The following CTRC variants were observed in gnomAD, a reference collection of about 807,000 sequenced individuals.
The protein encoded by CTRC is chymotrypsin C.
A neutral mutation model predicts 35.7 loss-of-function variants in CTRC; 32 were observed. That is an observed-to-expected ratio of 0.90 (90% CI 0.68 to 1.20). The LOEUF is 1.20. Among genes scored for constraint, CTRC ranks in the 50% most tolerant of loss-of-function variants. The pLI, the probability that CTRC is intolerant of heterozygous loss-of-function variation, is 0.00. For missense variants in CTRC, 324 were observed against 361.5 expected (o/e 0.90, Z 0.84); for synonymous variants, 119 against 149.5 (o/e 0.80, Z 1.49).
At chr1:15,443,290 G>A (rs1708163261) in intron 4 of CTRC, 129 bp from the exon 5 acceptor site, 6 of 1,022,122 alleles carry the variant, frequency 5.9e-6, no homozygotes, top group Non-Finnish European at 9.2e-6. Context: ...GAAGCTGGCA[G>A]TCAGGATGTT....
In CTRC at chr1:15,446,595, T is replaced by C; in HGVS notation, c.*6T>C. ...TCCAGAAAATGCAGCTGTGATTTGT[T>C]GCTGGGAGCGGCGGCAGCGAGTCCC... On this transcript the variant is annotated 3_prime_UTR_variant, in exon 8 of 8. Transcript: ENST00000375949. 1 of 1,614,238 alleles carries C rather than the reference T, an allele frequency of 6.2e-7. No homozygotes were observed. The highest frequency in any genetic ancestry group is 8.5e-7 in the Non-Finnish European group (1 of 1,180,030).
Position 15,440,507 on chromosome 1 carries a change from C to T in CTRC, c.147C>T (p.Tyr49=), listed in dbSNP as rs576621137. ...CCCTCCTGCAGATCTCCCTCCAGTA[C>T]CTCAAGAACGACACGTGGAGGCATA... is the stretch of plus-strand genomic sequence containing the variant. ...HSWPWQISLQ[Y]LKNDTWRHTC... The change falls in exon 3 of 8, where the codon TAC becomes TAT. Residue 49 remains tyrosine (Y), a synonymous_variant. Coordinates refer to ENST00000375949, the MANE Select transcript of CTRC (RefSeq NM_007272.3). 72 of 1,614,202 alleles carry T rather than the reference C, an allele frequency of 4.5e-5. No individual in the cohort carries two copies. The South Asian group carries it at 7.8e-4, about 17-fold the overall frequency.
At chr1:15,442,654 C>T (rs958966166) in intron 4 of CTRC, 82 bp downstream of exon 4, 121 of 1,581,178 alleles carry the variant, frequency 7.7e-5, no homozygotes, top group Non-Finnish European at 9.9e-5. Flanking sequence ...CAGAGCCTGT[C>T]GCACCCCATA....
At chr1:15,443,591 C>G (rs1708168935) in intron 5 of CTRC, 36 bp downstream of exon 5, 1 of 1,613,876 alleles carries the variant, frequency 6.2e-7, no homozygotes, top group East Asian at 2.2e-5. Context: ...GAGAGCCTTC[C>G]TGAAGGAAGC....
At position 15,445,556 on chromosome 1, in the gene CTRC, G is replaced by A. The variant is rs186735838; in HGVS notation, c.640-41G>A. 1.4e-5 allele frequency: 23 copies of A among 1,605,116 alleles called. No individual in the cohort carries two copies. In the African/African-American group the frequency reaches 2.2e-4, roughly 15 times the overall value. ...GTCCTGCTTCCCAAGACTTCCTCTG[G>A]GGGGGGGCCTGGTGGCTTATGCCCT... On this transcript the variant is annotated intron_variant, in intron 6 of 7. Coordinates refer to ENST00000375949, the MANE Select transcript of CTRC (RefSeq NM_007272.3).
rs1708201978 is a variant in CTRC at position 15,445,516 on chromosome 1, C to T, written c.640-81C>T. The T allele has an allele frequency of 2.7e-6, 4 of 1,487,196 alleles. No individual in the cohort carries two copies. In the South Asian group the frequency reaches 3.4e-5, roughly 13 times the overall value. The allele number at this position is 1,487,196 out of a possible 1,614,324, so 92.1% of individuals were successfully genotyped here. On this transcript the variant is annotated intron_variant, in intron 6 of 7. Coordinates refer to ENST00000375949, the MANE Select transcript of CTRC (RefSeq NM_007272.3). ...TAAGGCTGAGAAGCCAACCCACATC[C>T]CCCACCCCAACCCAGTCCTGCTTCC...
In CTRC at chr1:15,443,421, A is replaced by G; in HGVS notation, c.359A>G (p.Asn120Ser). The G allele has an allele frequency of 6.2e-7, 1 of 1,614,214 alleles. No homozygotes were observed. Among genetic ancestry groups the G allele is most frequent in the Non-Finnish European group, 8.5e-7 (1 of 1,180,046 alleles). ...HKRWNALLLR[N>S]DIALIKLAEH... ...ACCCTCTCCACTTTGGATTCCAGCA[A>G]TGATATTGCCCTCATCAAGCTTGCA... is the stretch of plus-strand genomic sequence containing the variant. Residue 120 changes from asparagine to serine, a missense_variant and splice_region_variant, in exon 5 of 8, where the codon AAT becomes AGT. Coordinates refer to ENST00000375949, the MANE Select transcript of CTRC (RefSeq NM_007272.3).
chr1:15,447,099 C>T lies in CTRC; in HGVS notation c.*510C>T, dbSNP rs1435772343. On this transcript the variant is annotated 3_prime_UTR_variant, in exon 8 of 8. Coordinates refer to ENST00000375949, the MANE Select transcript of CTRC (RefSeq NM_007272.3). ...AGAGACCAGGCCACAGGAGGATGGC[C>T]AAAGCTCAGGGACAACCACTCCTGG... 1 of 256,500 alleles carries T rather than the reference C, an allele frequency of 3.9e-6. No individual in the cohort carries two copies. The highest frequency in any genetic ancestry group is 7.7e-6 in the Non-Finnish European group (1 of 130,448). 15.9% of individuals were successfully genotyped at this position (256,500 alleles called of 1,614,324 possible). A position where few individuals can be genotyped will look rare whatever the true frequency, so the allele number is the denominator to read the frequency against.
rs200412314 is a variant in CTRC at position 15,445,693 on chromosome 1, C to G, written c.736C>G (p.Arg246Gly). 3 of 1,613,910 alleles carry G rather than the reference C, an allele frequency of 1.9e-6. No homozygotes were observed. Among genetic ancestry groups the G allele is most frequent in the Non-Finnish European group, 2.5e-6 (3 of 1,179,808 alleles). The change falls in exon 7 of 8, where the codon CGC (arginine) becomes GGC (glycine). Residue 246 changes from arginine to glycine, a missense_variant. By Grantham distance (125) the Arg-to-Gly change is moderately radical (BLOSUM62 -2). Coordinates refer to ENST00000375949, the MANE Select transcript of CTRC (RefSeq NM_007272.3). ...TGGCTCCCGGCGGGGCTGCAACACC[C>G]GCAAGAAGCCGGTAGTCTACACCCG... ...SFGSRRGCNTRKKPVVYTRVS... is the reference protein window; with the variant it reads ...SFGSRRGCNTGKKPVVYTRVS...
rs577782558 is a variant in CTRC, at chr1:15,444,629, C to T, written c.517C>T (p.Leu173=). The T allele has an allele frequency of 6.2e-7, 1 of 1,614,216 alleles. No homozygotes were observed. The highest frequency in any genetic ancestry group is 2.2e-5 in the East Asian group (1 of 44,880). ...AGCCAACGGCCCCATTGCTGATAAG[C>T]TGCAGCAGGGCCTGCAGCCCGTGGT... is the stretch of plus-strand genomic sequence containing the variant. ...LWTNGPIADK[L]QQGLQPVVDH... Residue 173 remains leucine (L), a synonymous_variant, in exon 6 of 8, where the codon CTG becomes TTG. Transcript: ENST00000375949.
intron 3 of CTRC, 117 bp from the exon 4 acceptor site, chr1:15,442,330 A>G: frequency 7.5e-7 from 1 of 1,331,322 alleles, no homozygotes; most frequent in Non-Finnish European, 1.0e-6. Context: ...GGGAAAGGAC[A>G]ATGGGAACAC....
In CTRC at chr1:15,446,792, C is replaced by T. The variant is rs1368680967; in HGVS notation, c.*203C>T. On this transcript the variant is annotated 3_prime_UTR_variant, in exon 8 of 8. Transcript: ENST00000375949. ...ATTAGACAGGTGGGGAAACAGAGGC[C>T]GGGAGAGAGGGCCAAGGAAGGAGCC... 2.3e-5 allele frequency: 16 copies of T among 690,650 alleles called. 1 individual carries two copies. Among genetic ancestry groups the T allele is most frequent in the South Asian group, 6.3e-5 (4 of 63,756 alleles). The allele number at this position is 690,650 out of a possible 1,614,324, so 42.8% of individuals were successfully genotyped here. A position where few individuals can be genotyped will look rare whatever the true frequency, so the allele number is the denominator to read the frequency against.
At chr1:15,442,737 A>AG (rs1454515787) in intron 4 of CTRC, among the ~76,000 whole-genome samples, 165 bp downstream of exon 4, 1 of 152,174 alleles carries the variant, frequency 6.6e-6, no homozygotes, top group African/African-American at 2.4e-5. Context: ...TGCTAAGTGG[A>AG]GACAAATACC....
chr1:15,440,454 C>A (rs1398905660), intron 2 of CTRC, 39 bp from the exon 3 acceptor site: 4 of 1,612,744 alleles, frequency 2.5e-6, no homozygotes, highest in Non-Finnish European at 3.4e-6. Context: ...GTCCCAGGGA[C>A]CTGCAGGCTG....
intron 3 of CTRC, among the ~76,000 whole-genome samples, chr1:15,441,511 A>G (rs777820781): frequency 7.9e-5 from 12 of 152,158 alleles, no homozygotes; most frequent in Non-Finnish European, 1.6e-4. Flanking sequence ...TAGAGAGGAA[A>G]TAAGTGCAGG....
chr1:15,445,139 C>T (rs960229286), intron 6 of CTRC, among the ~76,000 whole-genome samples: 2 of 152,154 alleles, frequency 1.3e-5, no homozygotes, highest in Admixed American at 1.3e-4. Flanking sequence ...TTTGCTCCAC[C>T]AGTCCAGGGA....
In CTRC at chr1:15,440,400, G is replaced by A; in HGVS notation, c.132+9G>A. 1 of 1,612,580 alleles carries A rather than the reference G, an allele frequency of 6.2e-7. No individual in the cohort carries two copies. On this transcript the variant is annotated intron_variant, in intron 2 of 7. Transcript: ENST00000375949. Reference sequence around the variant, plus strand: ...ACAGCTGGCCCTGGCAGGTAAGCCTGTGTAGGGCTGGGAGGTACAGATAGA... The same window carrying A: ...ACAGCTGGCCCTGGCAGGTAAGCCTATGTAGGGCTGGGAGGTACAGATAGA...
Position 15,443,427 on chromosome 1 carries a change from T to A in CTRC, c.365T>A (p.Ile122Asn). ...RWNALLLRND[I>N]ALIKLAEHVE... The stretch of plus-strand genomic sequence containing the variant: ...TCCACTTTGGATTCCAGCAATGATA[T>A]TGCCCTCATCAAGCTTGCAGAGCAT... Residue 122 changes from isoleucine (I) to asparagine (N), a missense_variant, in exon 5 of 8, where the codon ATT becomes AAT. Transcript: ENST00000375949. 1 of 1,614,200 alleles carries A rather than the reference T, an allele frequency of 6.2e-7. No homozygotes were observed. The highest frequency in any genetic ancestry group is 1.1e-5 in the South Asian group (1 of 91,086).
intron 5 of CTRC, among the ~76,000 whole-genome samples, chr1:15,443,779 C>T (rs1316311739): frequency 6.6e-6 from 1 of 152,164 alleles, no homozygotes; most frequent in Non-Finnish European, 1.5e-5. Flanking sequence ...TTGTCAAGTG[C>T]TCAGAACAGC....
Sources: allele counts gnomAD v4.1 joint callset (sites outside exome capture counted in the v4.1 genomes callset), GRCh38; gene constraint gnomAD v4.1.1; transcripts MANE v1.5; gene names NCBI Gene and HGNC (gene_info 2026-07-23, HGNC 2026-07-21).